RFX4: variants seen among roughly 807,000 people sequenced by gnomAD.
The protein encoded by RFX4 is transcription factor RFX4.
Under a neutral mutation model 95.0 loss-of-function variants are expected in RFX4, and 10 were observed. The observed-to-expected ratio is 0.11, with a 90% CI of 0.06 to 0.18. The LOEUF (loss-of-function observed/expected upper bound fraction) is 0.18, where lower values mean the gene tolerates loss of function less well. RFX4 is among the 10% of genes least tolerant of loss of function. RFX4 has a pLI of 1.00. For missense variants in RFX4, 640 were observed against 922.0 expected (o/e 0.69, Z 3.96); for synonymous variants, 321 against 340.7 (o/e 0.94, Z 0.64).
chr12:106,720,911 C>CT lies in RFX4; in HGVS notation c.1351+40dup, dbSNP rs1318298024. 6.3e-7 allele frequency: 1 copy of CT among 1,587,800 alleles called. No homozygotes were observed. Among genetic ancestry groups the CT allele is most frequent in the Admixed American group, 1.7e-5 (1 of 59,976 alleles). On this transcript the variant is annotated intron_variant, in intron 13 of 17. Transcript: ENST00000392842. The surrounding 1 kb of genome is among the most constrained non-coding windows in gnomAD (Gnocchi z 4.2). ...CCCCAGCCCTCCCCATCTCCAAGCA[C>CT]TTTTTCCTCTGGGCACGGAGCCCAG...
At position 106,736,248 on chromosome 12, in the gene RFX4, T is replaced by C. The variant is rs146635590; in HGVS notation, c.1633+3163T>C. Among the ~76,000 whole-genome samples, 1,155 of 152,296 alleles carry C rather than the reference T, an allele frequency of 7.6e-3. 8 individuals are homozygous for C. Among genetic ancestry groups the C allele is most frequent in the Middle Eastern group, 0.014 (4 of 294 alleles). ...AATGCAGTCATTTGGAAACACGTGCTCCTTCAATATTAAGCTCCCACATAG... is the reference window on the plus strand; with the variant it reads ...AATGCAGTCATTTGGAAACACGTGCCCCTTCAATATTAAGCTCCCACATAG... On this transcript the variant is annotated intron_variant, in intron 15 of 17. Coordinates refer to ENST00000392842, the MANE Select transcript of RFX4 (RefSeq NM_213594.3).
At chr12:106,753,609 G>T (rs1313734162) in intron 17 of RFX4, among the ~76,000 whole-genome samples, 1 of 152,140 alleles carries the variant, frequency 6.6e-6, no homozygotes, top group Non-Finnish European at 1.5e-5. Flanking sequence ...CAGGCTCTGC[G>T]CTGAGCACTC....
intron 10 of RFX4, among the ~76,000 whole-genome samples, chr12:106,714,433 C>A (rs1325622885): frequency 6.6e-6 from 1 of 152,156 alleles, no homozygotes; most frequent in African/African-American, 2.4e-5. Context: ...AATTATTTAA[C>A]TAAGATTTTA....
chr12:106,716,211 A>G (rs1475002655), intron 11 of RFX4, among the ~76,000 whole-genome samples: 1 of 152,104 alleles, frequency 6.6e-6, no homozygotes, highest in Admixed American at 6.6e-5. Flanking sequence ...TGCCCAGGGC[A>G]TCCCCCCAGC....
chr12:106,682,498 A>AT (rs1373036377), intron 5 of RFX4: 1 of 164,740 alleles, frequency 6.1e-6, no homozygotes, highest in African/African-American at 2.4e-5. Context: ...ACCATGGTCC[A>AT]TGAGGGTTCA....
intron 15 of RFX4, among the ~76,000 whole-genome samples, chr12:106,733,740 G>T (rs79448061): frequency 3.3e-5 from 5 of 152,176 alleles, no homozygotes; most frequent in Non-Finnish European, 5.9e-5. Context: ...TGATGCTACC[G>T]TGAGACTGTG....
intron 11 of RFX4, among the ~76,000 whole-genome samples, chr12:106,716,112 T>C (rs544855621): frequency 1.3e-5 from 2 of 152,230 alleles, no homozygotes; most frequent in Non-Finnish European, 2.9e-5. Context: ...GGATGTTTGA[T>C]CTTGGTACTA....
intron 9 of RFX4, 56 bp from the exon 10 acceptor site, chr12:106,711,397 C>A (rs2042188973): frequency 6.5e-7 from 1 of 1,530,976 alleles, no homozygotes. Flanking sequence ...CTGGAAAATC[C>A]AAGTTAGAAT....
intron 1 of RFX4, chr12:106,585,663 T>C (rs2039444509): frequency 6.6e-6 from 1 of 152,192 alleles, no homozygotes; most frequent in Non-Finnish European, 1.5e-5. Context: ...GCGCGCTCCA[T>C]GGAGCAGTTC....
intron 2 of RFX4, among the ~76,000 whole-genome samples, chr12:106,626,393 A>G (rs1357444102): frequency 6.6e-6 from 1 of 152,184 alleles, no homozygotes; most frequent in East Asian, 1.9e-4. Context: ...GCAGAAAGCT[A>G]CGAGACTGGT....
intron 15 of RFX4, 24 bp downstream of exon 15, chr12:106,733,109 T>C (rs755155594): frequency 6.2e-7 from 1 of 1,611,666 alleles, no homozygotes; most frequent in Non-Finnish European, 8.5e-7. Context: ...CTTCAAAAAC[T>C]TTGGGTAGTT....
chr12:106,744,166 A>G (rs185273505), intron 15 of RFX4, among the ~76,000 whole-genome samples: 1 of 152,314 alleles, frequency 6.6e-6, no homozygotes, highest in Admixed American at 6.5e-5. Flanking sequence ...CAGTCATCTG[A>G]GTTGTGATCA....
Position 106,733,025 on chromosome 12 carries a change from C to T in RFX4, c.1573C>T (p.Pro525Ser), listed in dbSNP as rs2042642779. 1.9e-6 allele frequency: 3 copies of T among 1,614,026 alleles called. No homozygotes were observed. Among genetic ancestry groups the T allele is most frequent in the Middle Eastern group, 1.6e-4 (1 of 6,082 alleles). ...AAAATCTGCCACATCTGTGGAAGTG[C>T]CACCTCCCTCTTCCCCTGTTAGCAA... Reference protein sequence around the residue: ...PAKSATSVEVPPPSSPVSNPS... With the variant: ...PAKSATSVEVSPPSSPVSNPS... The change falls in exon 15 of 18, where the codon CCA becomes TCA. Residue 525 changes from proline to serine, a missense_variant. By Grantham distance (74) the Pro-to-Ser change is moderately conservative. Coordinates refer to ENST00000392842, the MANE Select transcript of RFX4 (RefSeq NM_213594.3).
rs190944389 is a variant in RFX4 at position 106,651,561 on chromosome 12, A to T, written c.192-2667A>T. Among the ~76,000 whole-genome samples, 254 of 152,336 alleles carry T rather than the reference A, an allele frequency of 1.7e-3. 1 individual carries two copies. The highest frequency in any genetic ancestry group is 5.8e-3 in the African/African-American group (240 of 41,572). ...CCCACCTTCAACTGTACCTATGGTC[A>T]GGAGTTTATAGTAATTAAATATTAT... On this transcript the variant is annotated intron_variant, in intron 3 of 17. Transcript: ENST00000392842.
chr12:106,600,696 T>G (rs1251902938), intron 1 of RFX4, among the ~76,000 whole-genome samples: 1 of 152,130 alleles, frequency 6.6e-6, no homozygotes, highest in Non-Finnish European at 1.5e-5. Flanking sequence ...CCCTACATAC[T>G]TTGGATTCTT....
chr12:106,661,648 C>T (rs991547963), intron 4 of RFX4, among the ~76,000 whole-genome samples: 14 of 152,346 alleles, frequency 9.2e-5, no homozygotes, highest in Admixed American at 5.9e-4. Context: ...TGTATAATAA[C>T]ATGTATCCAT....
intron 3 of RFX4, among the ~76,000 whole-genome samples, chr12:106,651,480 C>T (rs1050349432): frequency 6.6e-6 from 1 of 152,200 alleles, no homozygotes; most frequent in African/African-American, 2.4e-5. Context: ...CTAAACCCAA[C>T]TCTTCTATGA....
intron 5 of RFX4, chr12:106,682,739 T>G (rs2041544921): frequency 6.6e-6 from 1 of 152,352 alleles, no homozygotes; most frequent in Non-Finnish European, 1.5e-5. Context: ...CAGAGGAGGT[T>G]ACATTTAAGT....
rs140007227 is a variant in RFX4, at chr12:106,632,337, G to A, written c.131-6995G>A. Among the ~76,000 whole-genome samples, 48 of 152,268 alleles carry A rather than the reference G, an allele frequency of 3.2e-4. 1 individual carries two copies. In the East Asian group the frequency reaches 6.2e-3, roughly 20 times the overall value. On this transcript the variant is annotated intron_variant, in intron 2 of 17. Transcript: ENST00000392842. ...CTCCAGCCTTGGCAGGACCATCAGC[G>A]GGGCACTGCAGGTGTGCCTGCGAAT... is the stretch of plus-strand genomic sequence containing the variant.
Sources: allele counts gnomAD v4.1 joint callset (sites outside exome capture counted in the v4.1 genomes callset), GRCh38; gene constraint gnomAD v4.1.1; non-coding constraint Gnocchi (gnomAD v3.1); transcripts MANE v1.5; gene names NCBI Gene and HGNC (gene_info 2026-07-23, HGNC 2026-07-21).